SCNN1B: variants seen among roughly 807,000 people sequenced by gnomAD.
The protein encoded by SCNN1B is sodium channel epithelial 1 subunit beta.
A neutral mutation model predicts 65.3 loss-of-function variants in SCNN1B; 46 were observed. The ratio of observed to expected loss-of-function variants is 0.70; its 90% CI spans 0.56 to 0.90. The LOEUF is 0.90. Among genes scored for constraint, SCNN1B ranks in the 40% least tolerant of loss-of-function variants. The probability of loss-of-function intolerance (pLI) is 0.00; values close to 1 mark genes in which losing one functional copy is unlikely to be tolerated. For missense variants in SCNN1B, 751 were observed against 830.5 expected (o/e 0.90, Z 1.18); for synonymous variants, 349 against 330.6 (o/e 1.06, Z -0.60).
upstream of SCNN1B, among the ~76,000 whole-genome samples, chr16:23,301,989 A>C (rs1961093569): frequency 6.6e-6 from 1 of 151,856 alleles, no homozygotes; most frequent in African/African-American, 2.4e-5. Context: ...GGTGGGATGG[A>C]GTGTTCATAT....
intron 2 of SCNN1B, among the ~76,000 whole-genome samples, chr16:23,296,112 C>G (rs1960993554): frequency 6.6e-6 from 1 of 151,886 alleles, no homozygotes; most frequent in African/African-American, 2.4e-5. Context: ...AAGGAGAAGT[C>G]GGGCTGAAGG....
chr16:23,297,958 A>T (rs1209646458), upstream of SCNN1B, among the ~76,000 whole-genome samples: 1 of 152,226 alleles, frequency 6.6e-6, no homozygotes, highest in African/African-American at 2.4e-5. Context: ...TTCTATGCAA[A>T]GTATTGTGTG....
chr16:23,374,194 A>T (rs1424746403), intron 7 of SCNN1B, among the ~76,000 whole-genome samples: 1 of 143,512 alleles, frequency 7.0e-6, no homozygotes, highest in Non-Finnish European at 1.5e-5. Flanking sequence ...TGAGCCCAAG[A>T]GTTTGAGGAT....
rs968986212 is a variant in SCNN1B, at chr16:23,348,644, G to A, written c.45G>A (p.Gln15=). 1 of 1,613,628 alleles carries A rather than the reference G, an allele frequency of 6.2e-7. No individual in the cohort carries two copies. The highest frequency in any genetic ancestry group is 2.2e-5 in the East Asian group (1 of 44,888). The change falls in exon 2 of 13, where the codon CAG becomes CAA. Residue 15 remains glutamine, a synonymous_variant. Transcript: ENST00000343070. The surrounding 1 kb of genome is among the most constrained non-coding windows in gnomAD (Gnocchi z 4.5). ...KYLLKGLHRL[Q]KGPGYTYKEL... ...TGCTGAAGGGCCTGCATCGGCTGCA[G>A]AAGGGCCCCGGCTACACGTACAAGG...
At position 23,380,378 on chromosome 16, in the gene SCNN1B, G is replaced by T. The variant is rs373929539; in HGVS notation, c.1543-43G>T. 5.6e-6 allele frequency: 9 copies of T among 1,613,522 alleles called. No individual in the cohort carries two copies. Among genetic ancestry groups the T allele is most frequent in the East Asian group, 2.2e-5 (1 of 44,874 alleles). The stretch of plus-strand genomic sequence containing the variant: ...AGCTGTGAGGCTGGGCTAGAGGCAA[G>T]AATGTGTGGCCTGAGCTCACCCCAG... On this transcript the variant is annotated intron_variant, in intron 12 of 12. Transcript: ENST00000343070. The surrounding 1 kb of genome is among the most constrained non-coding windows in gnomAD (Gnocchi z 5.4).
intron 1 of SCNN1B, among the ~76,000 whole-genome samples, chr16:23,340,188 C>T (rs1035702726): frequency 2.6e-5 from 4 of 152,034 alleles, no homozygotes; most frequent in South Asian, 2.1e-4. Flanking sequence ...TTATATATTC[C>T]GCATAGAAAT....
chr16:23,369,702 T>G (rs1962744279), intron 5 of SCNN1B, among the ~76,000 whole-genome samples: 1 of 152,136 alleles, frequency 6.6e-6, no homozygotes. Context: ...TTAGCCCCCA[T>G]GCTGCTGAGA....
chr16:23,369,672 G>A (rs929064322), intron 5 of SCNN1B, among the ~76,000 whole-genome samples: 6 of 152,056 alleles, frequency 3.9e-5, no homozygotes, highest in Admixed American at 3.9e-4. Flanking sequence ...AAGAGGGCAG[G>A]TGAGCTGAGT....
chr16:23,326,641 T>A (rs2141998103), intron 1 of SCNN1B, among the ~76,000 whole-genome samples: 1 of 152,224 alleles, frequency 6.6e-6, no homozygotes, highest in African/African-American at 2.4e-5. Context: ...ATTTTTTTTG[T>A]ATTTTTAGTA....
rs994871969 is a variant in SCNN1B at position 23,371,902 on chromosome 16, C to T, written c.1152+19C>T. 12 of 1,575,372 alleles carry T rather than the reference C, an allele frequency of 7.6e-6. No individual in the cohort carries two copies. Among genetic ancestry groups the T allele is most frequent in the Middle Eastern group, 3.3e-4 (2 of 6,018 alleles). On this transcript the variant is annotated intron_variant, in intron 7 of 12. Coordinates refer to ENST00000343070, the MANE Select transcript of SCNN1B (RefSeq NM_000336.3). ...CATCCAGGTGGGAAGGTGGTGCACG[C>T]CTCATGCCCCGGGGCCCCTGTCCGG... is the stretch of plus-strand genomic sequence containing the variant.
intron 1 of SCNN1B, among the ~76,000 whole-genome samples, chr16:23,338,084 A>G (rs1961981152): frequency 6.6e-6 from 1 of 152,166 alleles, no homozygotes; most frequent in Non-Finnish European, 1.5e-5. Context: ...AAAAACCACA[A>G]CAACAAAAAA....
At position 23,365,557 on chromosome 16, in the gene SCNN1B, G is replaced by GAAAA. The variant is rs56115800; in HGVS notation, c.777-2298_777-2297insAAAA. Among the ~76,000 whole-genome samples, 3 of 92,362 alleles carry GAAAA rather than the reference G, an allele frequency of 3.2e-5. No homozygotes were observed. In the East Asian group the frequency reaches 9.6e-4, roughly 30 times the overall value. The allele number at this position is 92,362 out of a possible 152,430, so 60.6% of individuals were successfully genotyped here. On this transcript the variant is annotated intron_variant, in intron 4 of 12. Coordinates refer to ENST00000343070, the MANE Select transcript of SCNN1B (RefSeq NM_000336.3). ...AGAGAAGGAAAGAGAAAGAAGGAAA[G>GAAAA]AGAAAGAAAGAAAGAAAGAAAGAAA...
At chr16:23,336,242 C>T (rs903742088) in intron 1 of SCNN1B, among the ~76,000 whole-genome samples, 1 of 152,150 alleles carries the variant, frequency 6.6e-6, no homozygotes, top group Non-Finnish European at 1.5e-5. Flanking sequence ...CCCCAACATA[C>T]TTAAAAGGAC....
At chr16:23,284,191 G>T (rs544819208) in intron 2 of SCNN1B, among the ~76,000 whole-genome samples, 1 of 152,202 alleles carries the variant, frequency 6.6e-6, no homozygotes, top group East Asian at 1.9e-4. Context: ...GATCACCTGA[G>T]GTCAGGAGTT....
intron 1 of SCNN1B, among the ~76,000 whole-genome samples, chr16:23,320,866 T>C (rs1253402713): frequency 6.6e-6 from 1 of 152,104 alleles, no homozygotes; most frequent in South Asian, 2.1e-4. Context: ...GGCAGGGCCC[T>C]CTCTTGGGTC....
chr16:23,280,967 T>C (rs1960776354), intron 1 of SCNN1B, among the ~76,000 whole-genome samples: 1 of 152,206 alleles, frequency 6.6e-6, no homozygotes, highest in Non-Finnish European at 1.5e-5. Flanking sequence ...CCTGTAACAA[T>C]GATGTCCAAC....
At chr16:23,290,199 C>T (rs888787837) in intron 2 of SCNN1B, among the ~76,000 whole-genome samples, 4 of 152,150 alleles carry the variant, frequency 2.6e-5, no homozygotes, top group Non-Finnish European at 4.4e-5. Flanking sequence ...ATGTTTAAGA[C>T]GATGGCTGGC....
intron 2 of SCNN1B, among the ~76,000 whole-genome samples, chr16:23,290,426 G>A (rs1052259129): frequency 3.4e-4 from 51 of 152,234 alleles, no homozygotes; most frequent in African/African-American, 1.2e-3. Context: ...TCCCACCTCA[G>A]CCTCCCGAGT....
At chr16:23,373,458 C>T (rs1352883256) in intron 7 of SCNN1B, among the ~76,000 whole-genome samples, 4 of 152,160 alleles carry the variant, frequency 2.6e-5, no homozygotes, top group Admixed American at 6.5e-5. Context: ...CCTTCAATCC[C>T]CCTTGCTGTA....
Sources: allele counts gnomAD v4.1 joint callset (sites outside exome capture counted in the v4.1 genomes callset), GRCh38; gene constraint gnomAD v4.1.1; non-coding constraint Gnocchi (gnomAD v3.1); transcripts MANE v1.5; gene names NCBI Gene and HGNC (gene_info 2026-07-23, HGNC 2026-07-21).